The following HDAC9 variants were observed in gnomAD, a reference collection of about 807,000 sequenced individuals.
The protein encoded by HDAC9 is MEF-2 interacting transcription repressor (MITR) protein.
HDAC9 carries 41 observed loss-of-function variants against 139.4 expected under a neutral mutation model. The observed-to-expected ratio is 0.29, with a 90% confidence interval of 0.23 to 0.38. The LOEUF is 0.38. Ranked by LOEUF, HDAC9 falls within the 10% of genes least tolerant of loss-of-function variation. HDAC9 has a pLI of 1.00. For missense variants in HDAC9, 1,147 were observed against 1,297.0 expected (o/e 0.88, Z 1.78); for synonymous variants, 517 against 476.2 (o/e 1.09, Z -1.12).
chr7:18,177,510 G>C (rs970954112), intron 2 of HDAC9, among the ~76,000 whole-genome samples: 1 of 152,090 alleles, frequency 6.6e-6, no homozygotes, highest in African/African-American at 2.4e-5. Context: ...ACCTTCCCCA[G>C]GTCCAGTTTT....
At chr7:18,714,419 C>CCTTAGATA (rs2129117147) in intron 12 of HDAC9, among the ~76,000 whole-genome samples, 1 of 152,262 alleles carries the variant, frequency 6.6e-6, no homozygotes, top group East Asian at 1.9e-4. Flanking sequence ...GAGTCAGCCT[C>CCTTAGATA]CTTAGATAGG....
chr7:18,855,465 G>A (rs1004427403), intron 21 of HDAC9, among the ~76,000 whole-genome samples: 1 of 151,954 alleles, frequency 6.6e-6, no homozygotes, highest in African/African-American at 2.4e-5. Context: ...ATCATTGCTA[G>A]AGTCTTTTGC....
intron 1 of HDAC9, among the ~76,000 whole-genome samples, chr7:18,423,954 G>A (rs1310705887): frequency 1.3e-5 from 2 of 152,190 alleles, no homozygotes; most frequent in Non-Finnish European, 2.9e-5. Flanking sequence ...CATATTTGGA[G>A]ACTCTAGCCC....
chr7:18,477,682 A>G (rs1228153553), intron 1 of HDAC9, among the ~76,000 whole-genome samples: 1 of 152,186 alleles, frequency 6.6e-6, no homozygotes, highest in African/African-American at 2.4e-5. Flanking sequence ...CAAATTACAT[A>G]AGAGTTCCAG....
chr7:18,100,130 A>G (rs970852329), intron 1 of HDAC9, among the ~76,000 whole-genome samples: 1 of 152,086 alleles, frequency 6.6e-6, no homozygotes, highest in African/African-American at 2.4e-5. Flanking sequence ...TAGTTTAAAG[A>G]TGTTACTTCA....
At chr7:18,255,435 C>A (rs1440102965) in intron 2 of HDAC9, among the ~76,000 whole-genome samples, 2 of 151,982 alleles carry the variant, frequency 1.3e-5, no homozygotes, top group Non-Finnish European at 2.9e-5. Flanking sequence ...AGACAGGGAG[C>A]ATGGTATGAG....
At chr7:18,196,829 G>A (rs76963362) in intron 2 of HDAC9, among the ~76,000 whole-genome samples, 6,314 of 152,172 alleles carry the variant, frequency 0.041, 145 homozygotes, top group Middle Eastern at 0.058. Context: ...GGAGAAAAGG[G>A]TGTGAAACTT....
intron 2 of HDAC9, among the ~76,000 whole-genome samples, chr7:18,538,026 A>T (rs980869665): frequency 6.6e-6 from 1 of 152,212 alleles, no homozygotes; most frequent in Non-Finnish European, 1.5e-5. Context: ...CTTACTTTGT[A>T]GTAGACCACT....
chr7:18,738,853 G>A (rs1787174802), intron 13 of HDAC9, among the ~76,000 whole-genome samples: 1 of 152,202 alleles, frequency 6.6e-6, no homozygotes. Context: ...CCTGAAGAGT[G>A]TTTTCCAAGT....
Position 18,634,643 on chromosome 7 carries a change from C to T in HDAC9, c.813C>T (p.Ser271=), listed in dbSNP as rs781606569. Residue 271 remains serine, a synonymous_variant, in exon 8 of 26, where the codon AGC becomes AGT. Coordinates refer to ENST00000686413, the MANE Select transcript of HDAC9 (RefSeq NM_178425.4). ...MFEVTESSVS[S]SSPGSGPSSP... ...ATTTTTCAGAATCCTCAGTCAGTAG[C>T]AGTTCTCCAGGCTCTGGTCCCAGTT... 3.8e-6 allele frequency: 6 copies of T among 1,581,836 alleles called. No homozygotes were observed. In the South Asian group the frequency reaches 5.8e-5, roughly 15 times the overall value.
intron 13 of HDAC9, among the ~76,000 whole-genome samples, chr7:18,732,896 C>CACACGTGTGTATGTATGTGTAT (rs1562893414): frequency 2.3e-5 from 2 of 87,464 alleles, no homozygotes; most frequent in Admixed American, 9.8e-5. Flanking sequence ...TATGTGTACA[C>CACACGTGTGTATGTATGTGTAT]ACACACGTGT....
rs574866083 is a variant in HDAC9, at chr7:18,648,158, T to G, written c.1249+160T>G. ...TGTGGGAAAGGCTATCATCTTTATT[T>G]ATTCCTTCAGATCCACTTGGGGTAG... On this transcript the variant is annotated intron_variant, in intron 10 of 25. Coordinates refer to ENST00000686413, the MANE Select transcript of HDAC9 (RefSeq NM_178425.4). Among the ~76,000 whole-genome samples the G allele has an allele frequency of 7.2e-5, 11 of 152,280 alleles. No individual in the cohort carries two copies. The East Asian group carries it at 2.1e-3, about 30-fold the overall frequency.
At chr7:18,292,181 T>C (rs1289282943) in intron 1 of HDAC9, among the ~76,000 whole-genome samples, 1 of 152,138 alleles carries the variant, frequency 6.6e-6, no homozygotes, top group Non-Finnish European at 1.5e-5. Flanking sequence ...TATGTGGTTT[T>C]CTTATTTAAT....
chr7:18,855,589 T>G (rs1445964634), intron 21 of HDAC9, among the ~76,000 whole-genome samples: 1 of 151,958 alleles, frequency 6.6e-6, no homozygotes, highest in Non-Finnish European at 1.5e-5. Flanking sequence ...TGAGCACTCC[T>G]TTTCAACTGC....
At chr7:18,496,499 G>T (rs1199706885) in intron 2 of HDAC9, 175 bp downstream of exon 2, 3 of 601,166 alleles carry the variant, frequency 5.0e-6, no homozygotes, top group Non-Finnish European at 9.0e-6. Flanking sequence ...CTGTTTCTGT[G>T]CATATTCAGT....
chr7:18,780,288 C>G (rs1791134648), intron 16 of HDAC9, among the ~76,000 whole-genome samples: 1 of 152,050 alleles, frequency 6.6e-6, no homozygotes, highest in African/African-American at 2.4e-5. Flanking sequence ...TGTGATAGTA[C>G]TTTATCCAAA....
intron 1 of HDAC9, among the ~76,000 whole-genome samples, chr7:18,455,076 A>G (rs1793220112): frequency 6.6e-6 from 1 of 151,924 alleles, no homozygotes; most frequent in South Asian, 2.1e-4. Flanking sequence ...AAAACTGAAT[A>G]TTTTTTTACT....
At chr7:18,131,929 AAAG>A (rs1366668866) in intron 1 of HDAC9, among the ~76,000 whole-genome samples, 1 of 152,188 alleles carries the variant, frequency 6.6e-6, no homozygotes, top group Non-Finnish European at 1.5e-5. Flanking sequence ...TGTTTTAGGC[AAAG>A]AAGAGGCTGG....
In HDAC9 at chr7:18,496,333, C is replaced by G. The variant is rs773641101; in HGVS notation, c.22+9C>G. On this transcript the variant is annotated intron_variant, in intron 2 of 25. Coordinates refer to ENST00000686413, the MANE Select transcript of HDAC9 (RefSeq NM_178425.4). ...CAGTATGATCAGCTCAGGTAAGATCCTCTTTCATAACTGAGACGTTTTAGG... is the reference window on the plus strand; with the variant it reads ...CAGTATGATCAGCTCAGGTAAGATCGTCTTTCATAACTGAGACGTTTTAGG... 6.2e-7 allele frequency: 1 copy of G among 1,611,518 alleles called. No individual in the cohort carries two copies. Among genetic ancestry groups the G allele is most frequent in the East Asian group, 2.2e-5 (1 of 44,818 alleles).
Sources: allele counts gnomAD v4.1 joint callset (sites outside exome capture counted in the v4.1 genomes callset), GRCh38; gene constraint gnomAD v4.1.1; transcripts MANE v1.5; gene names NCBI Gene and HGNC (gene_info 2026-07-23, HGNC 2026-07-21).